Variants in MGMT observed in about 807,000 individuals in gnomAD.
The protein encoded by MGMT is methylated-DNA--protein-cysteine methyltransferase.
A neutral mutation model predicts 15.9 loss-of-function variants in MGMT; 14 were observed. That is an observed-to-expected ratio of 0.88 (90% CI 0.58 to 1.37). The LOEUF (loss-of-function observed/expected upper bound fraction) is 1.37, where lower values mean the gene tolerates loss of function less well. MGMT is among the 40% of genes most tolerant of loss of function. MGMT has a pLI of 0.00. For synonymous variants in MGMT, 130 were observed against 118.2 expected (o/e 1.10, Z -0.65); for missense variants, 282 against 268.1 (o/e 1.05, Z -0.36).
intron 2 of MGMT, among the ~76,000 whole-genome samples, chr10:129,690,888 A>T (rs1847962172): frequency 1.3e-5 from 2 of 152,152 alleles, no homozygotes; most frequent in African/African-American, 4.8e-5. Flanking sequence ...GTATGTGGTG[A>T]TGACTCGGGG....
chr10:129,470,554 A>G (rs1428432772), intron 1 of MGMT, among the ~76,000 whole-genome samples: 1 of 152,228 alleles, frequency 6.6e-6, no homozygotes, highest in Non-Finnish European at 1.5e-5. Flanking sequence ...TCTTTGAAGT[A>G]TTAGAGTGGC....
At chr10:129,723,228 A>G (rs1214945347) in intron 3 of MGMT, among the ~76,000 whole-genome samples, 2 of 152,150 alleles carry the variant, frequency 1.3e-5, no homozygotes, top group African/African-American at 4.8e-5. Context: ...TTACACGAGC[A>G]GTATACACTG....
At chr10:129,561,332 C>T (rs542690995) in intron 2 of MGMT, among the ~76,000 whole-genome samples, 10 of 152,118 alleles carry the variant, frequency 6.6e-5, no homozygotes, top group East Asian at 5.8e-4. Context: ...GGCGGTGAGA[C>T]GGCGAGCGAG....
intron 1 of MGMT, among the ~76,000 whole-genome samples, chr10:129,516,069 A>C (rs1414717918): frequency 6.6e-6 from 1 of 152,196 alleles, no homozygotes; most frequent in Admixed American, 6.5e-5. Flanking sequence ...TTCCCAGCTT[A>C]AACGTCCAAG....
intron 2 of MGMT, among the ~76,000 whole-genome samples, chr10:129,640,097 CTT>C (rs539701974): frequency 3.4e-4 from 47 of 139,368 alleles, no homozygotes; most frequent in East Asian, 4.2e-4. Context: ...AAATGAATAA[CTT>C]TTTTTTTTTT....
At chr10:129,564,948 G>T (rs1002793661) in intron 2 of MGMT, among the ~76,000 whole-genome samples, 1 of 152,014 alleles carries the variant, frequency 6.6e-6, no homozygotes, top group Non-Finnish European at 1.5e-5. Flanking sequence ...GGCGGATGGC[G>T]CCATAAACAG....
intron 1 of MGMT, among the ~76,000 whole-genome samples, chr10:129,512,290 C>T (rs1313589350): frequency 1.3e-5 from 2 of 152,168 alleles, no homozygotes; most frequent in East Asian, 3.9e-4. Context: ...TATTTTTAAA[C>T]ACCCGCTTTA....
At chr10:129,754,517 A>T (rs942505067) in intron 3 of MGMT, among the ~76,000 whole-genome samples, 1 of 152,230 alleles carries the variant, frequency 6.6e-6, no homozygotes, top group African/African-American at 2.4e-5. Flanking sequence ...TCAAGGGCTC[A>T]GAGATAACAC....
At chr10:129,514,657 G>A (rs1845718943) in intron 1 of MGMT, among the ~76,000 whole-genome samples, 2 of 152,146 alleles carry the variant, frequency 1.3e-5, no homozygotes, top group South Asian at 2.1e-4. Context: ...GGCCTTTGGG[G>A]GGAGATTAGG....
At chr10:129,627,186 G>A (rs1231480805) in intron 2 of MGMT, among the ~76,000 whole-genome samples, 1 of 152,160 alleles carries the variant, frequency 6.6e-6, no homozygotes, top group Admixed American at 6.5e-5. Flanking sequence ...GCTGAAGATG[G>A]GTGTGCTGGG....
chr10:129,663,457 A>C (rs1003550919), intron 2 of MGMT, among the ~76,000 whole-genome samples: 35 of 152,178 alleles, frequency 2.3e-4, no homozygotes, highest in Non-Finnish European at 4.7e-4. Flanking sequence ...AAGGGAAGCC[A>C]AAAAAGTATA....
chr10:129,582,186 G>A lies in MGMT; in HGVS notation c.125+45809G>A, dbSNP rs557574950. Among the ~76,000 whole-genome samples the A allele has an allele frequency of 4.1e-4, 63 of 152,304 alleles. 2 individuals are homozygous for A. The highest frequency in any genetic ancestry group is 2.5e-3 in the East Asian group (13 of 5,174). ...GGTGGGAAGCAGCCTCCCTTAGCCC[G>A]GCTACGTCTCATGAATGTGCGTGGA... On this transcript the variant is annotated intron_variant, in intron 2 of 4. Transcript: ENST00000651593.
At chr10:129,547,944 G>A (rs1026651870) in intron 2 of MGMT, among the ~76,000 whole-genome samples, 6 of 152,220 alleles carry the variant, frequency 3.9e-5, no homozygotes, top group African/African-American at 7.2e-5. Context: ...CTGATGTGTC[G>A]TCCGGTGAGG....
chr10:129,487,996 C>CACACAT (rs754923805), intron 1 of MGMT, among the ~76,000 whole-genome samples: 2 of 114,702 alleles, frequency 1.7e-5, no homozygotes, highest in African/African-American at 6.9e-5. Flanking sequence ...CACACACACA[C>CACACAT]ATAGGTATAC....
intron 2 of MGMT, among the ~76,000 whole-genome samples, chr10:129,639,182 G>A (rs192884895): frequency 3.9e-5 from 6 of 151,922 alleles, no homozygotes; most frequent in Admixed American, 6.6e-5. Flanking sequence ...ACCATGAATT[G>A]TTTGTTTAAG....
At chr10:129,658,682 G>A (rs551529145) in intron 2 of MGMT, among the ~76,000 whole-genome samples, 3 of 152,188 alleles carry the variant, frequency 2.0e-5, no homozygotes, top group African/African-American at 7.2e-5. Context: ...AATTATCTTC[G>A]CAAGAAAGTA....
chr10:129,744,109 T>C (rs1466174226), intron 3 of MGMT, among the ~76,000 whole-genome samples: 1 of 152,158 alleles, frequency 6.6e-6, no homozygotes, highest in African/African-American at 2.4e-5. Context: ...CCAAAGACAT[T>C]CCAAAAACCA....
intron 2 of MGMT, among the ~76,000 whole-genome samples, chr10:129,678,414 G>T (rs1431583667): frequency 6.6e-6 from 1 of 152,146 alleles, no homozygotes; most frequent in Non-Finnish European, 1.5e-5. Context: ...GTGCAGATTG[G>T]AGGGCTGCCA....
chr10:129,473,368 C>T (rs1164154828), intron 1 of MGMT, among the ~76,000 whole-genome samples: 1 of 152,186 alleles, frequency 6.6e-6, no homozygotes, highest in East Asian at 1.9e-4. Flanking sequence ...GGTGGTTATT[C>T]TGGGCGTGCT....
Sources: allele counts gnomAD v4.1 joint callset (sites outside exome capture counted in the v4.1 genomes callset), GRCh38; gene constraint gnomAD v4.1.1; transcripts MANE v1.5; gene names NCBI Gene and HGNC (gene_info 2026-07-23, HGNC 2026-07-21).